Variants in UNC5D observed in about 807,000 individuals in gnomAD.
UNC5D encodes netrin receptor UNC5D.
In UNC5D, 39 loss-of-function variants were observed where a neutral mutation model predicts 105.4. That is an observed-to-expected ratio of 0.37 (90% CI 0.29 to 0.48). UNC5D has a LOEUF of 0.48. UNC5D is among the 20% of genes least tolerant of loss of function. The pLI is 0.98. For missense variants in UNC5D, 991 were observed against 1,202.4 expected (o/e 0.82, Z 2.60); for synonymous variants, 452 against 450.4 (o/e 1.00, Z -0.04).
At position 35,792,538 on chromosome 8, in the gene UNC5D, CAA is replaced by C. The variant is rs1049474570; in HGVS notation, c.*1976_*1977del. 1.3e-5 allele frequency: 2 copies of C among 154,780 alleles called. No individual in the cohort carries two copies. The highest frequency in any genetic ancestry group is 4.8e-5 in the African/African-American group (2 of 41,440). The allele number at this position is 154,780 out of a possible 1,614,324, so 9.6% of individuals were successfully genotyped here. ...TAACTTATTTATTTCTTCTAGGAAA[CAA>C]TAGATAAACAGCATGAAAATGTAAA... On this transcript the variant is annotated 3_prime_UTR_variant, in exon 17 of 17. Coordinates refer to ENST00000404895, the MANE Select transcript of UNC5D (RefSeq NM_080872.4).
chr8:35,375,819 T>G (rs1003186772), intron 1 of UNC5D, among the ~76,000 whole-genome samples: 1 of 152,210 alleles, frequency 6.6e-6, no homozygotes, highest in East Asian at 1.9e-4. Context: ...AATTATATTT[T>G]TAATCCCTTT....
At chr8:35,428,219 C>G (rs776883299) in intron 1 of UNC5D, among the ~76,000 whole-genome samples, 14 of 152,000 alleles carry the variant, frequency 9.2e-5, no homozygotes, top group Non-Finnish European at 1.5e-4. Context: ...ACTCTGTCAC[C>G]CAGGCTGGAC....
rs1803216246 is a variant in UNC5D, at chr8:35,795,349, G to A, written c.*4786G>A. ...CCTCCAGTTTTGCTAACCCTAAAAA[G>A]TATTTCACTAATTTCAAGCACTGTT... On this transcript the variant is annotated 3_prime_UTR_variant, in exon 17 of 17. Coordinates refer to ENST00000404895, the MANE Select transcript of UNC5D (RefSeq NM_080872.4). The A allele has an allele frequency of 6.6e-6, 1 of 152,088 alleles. No homozygotes were observed. The highest frequency in any genetic ancestry group is 2.4e-5 in the African/African-American group (1 of 41,416). The allele number at this position is 152,088 out of a possible 1,614,324, so 9.4% of individuals were successfully genotyped here. A position where few individuals can be genotyped will look rare whatever the true frequency, so the allele number is the denominator to read the frequency against.
At chr8:35,323,425 T>C (rs1809905845) in intron 1 of UNC5D, among the ~76,000 whole-genome samples, 1 of 152,134 alleles carries the variant, frequency 6.6e-6, no homozygotes, top group South Asian at 2.1e-4. Flanking sequence ...CGTACCATTT[T>C]TAATGAGTTG....
intron 1 of UNC5D, among the ~76,000 whole-genome samples, chr8:35,470,807 T>TAAATAAAATA (rs1554538815): frequency 2.2e-3 from 289 of 130,502 alleles, no homozygotes; most frequent in African/African-American, 8.1e-3. Context: ...AATAAATAAA[T>TAAATAAAATA]AAATAAAATA....
At chr8:35,236,315 G>A (rs1802456906) in intron 1 of UNC5D, among the ~76,000 whole-genome samples, 1 of 152,206 alleles carries the variant, frequency 6.6e-6, no homozygotes, top group African/African-American at 2.4e-5. Flanking sequence ...GGGAGTGTCT[G>A]TAGGGTGGGC....
Position 35,705,910 on chromosome 8 carries a change from CTTTCT to C in UNC5D, c.1085-16_1085-12del, listed in dbSNP as rs940320296. 3 of 1,271,250 alleles carry C rather than the reference CTTTCT, an allele frequency of 2.4e-6. No individual in the cohort carries two copies. The African/African-American group carries it at 4.5e-5, about 19-fold the overall frequency. The allele number at this position is 1,271,250 out of a possible 1,614,324, so 78.7% of individuals were successfully genotyped here. ...ATTTATTAAATGCAACTTTCTTTTT[CTTTCT>C]TTCTTTCTTTTAGATAAAAAACCTC... On this transcript the variant is annotated splice_polypyrimidine_tract_variant and intron_variant, in intron 7 of 16. Coordinates refer to ENST00000404895, the MANE Select transcript of UNC5D (RefSeq NM_080872.4).
rs570542141 is a variant in UNC5D, at chr8:35,348,236, A to C, written c.103+112349A>C. On this transcript the variant is annotated intron_variant, in intron 1 of 16. Coordinates refer to ENST00000404895, the MANE Select transcript of UNC5D (RefSeq NM_080872.4). ...TAGTGGTGTTGTTTTACCAAAAAAAATTATATATATATTAGTCTGTAATTT... is the reference window on the plus strand; with the variant it reads ...TAGTGGTGTTGTTTTACCAAAAAAACTTATATATATATTAGTCTGTAATTT... 9.2e-5 allele frequency among the ~76,000 whole-genome samples: 14 copies of C among 152,012 alleles called. No individual in the cohort carries two copies. The South Asian group carries it at 2.9e-3, about 32-fold the overall frequency.
chr8:35,730,997 C>T lies in UNC5D; in HGVS notation c.1682-15C>T. 1 of 1,613,032 alleles carries T rather than the reference C, an allele frequency of 6.2e-7. No homozygotes were observed. Among genetic ancestry groups the T allele is most frequent in the East Asian group, 2.2e-5 (1 of 44,834 alleles). On this transcript the variant is annotated splice_polypyrimidine_tract_variant and intron_variant, in intron 10 of 16. Transcript: ENST00000404895. ...GAAAAATCTATGAATAACCTGTTGGCTTTTTCTGTTTTAGGGGTGAGCTTA... is the reference window on the plus strand; with the variant it reads ...GAAAAATCTATGAATAACCTGTTGGTTTTTTCTGTTTTAGGGGTGAGCTTA...
chr8:35,777,239 G>A (rs1179174727), intron 16 of UNC5D, among the ~76,000 whole-genome samples: 1 of 152,146 alleles, frequency 6.6e-6, no homozygotes, highest in Non-Finnish European at 1.5e-5. Flanking sequence ...GGGCAACAGA[G>A]CGAGACTCTG....
chr8:35,259,155 A>G (rs1186160141), intron 1 of UNC5D, among the ~76,000 whole-genome samples: 4 of 152,188 alleles, frequency 2.6e-5, no homozygotes, highest in Admixed American at 1.3e-4. Flanking sequence ...CGATAATGTA[A>G]TTCCTAACAG....
In UNC5D at chr8:35,615,182, C is replaced by T. The variant is rs573093267; in HGVS notation, c.570+19525C>T. 7.6e-4 allele frequency among the ~76,000 whole-genome samples: 115 copies of T among 152,096 alleles called. 1 individual carries two copies. The highest frequency in any genetic ancestry group is 1.5e-3 in the South Asian group (7 of 4,814). On this transcript the variant is annotated intron_variant, in intron 4 of 16. Coordinates refer to ENST00000404895, the MANE Select transcript of UNC5D (RefSeq NM_080872.4). ...TGAGCCCAGGAGGTTGAGGCTGTAG[C>T]GAGGCATGACTAGTCCACTGCACTC...
intron 9 of UNC5D, among the ~76,000 whole-genome samples, chr8:35,724,946 A>T (rs927026151): frequency 3.3e-5 from 5 of 151,634 alleles, no homozygotes; most frequent in Non-Finnish European, 1.5e-5. Flanking sequence ...TGGAAAAAAA[A>T]TAATAATAAT....
chr8:35,458,736 C>A (rs1323697489), intron 1 of UNC5D, among the ~76,000 whole-genome samples: 1 of 152,124 alleles, frequency 6.6e-6, no homozygotes, highest in African/African-American at 2.4e-5. Flanking sequence ...GGCCATTGTG[C>A]CTTATGCAAG....
intron 1 of UNC5D, among the ~76,000 whole-genome samples, chr8:35,542,418 A>G (rs747738356): frequency 6.6e-6 from 1 of 152,236 alleles, no homozygotes; most frequent in Admixed American, 6.5e-5. Flanking sequence ...CCGTGGACCA[A>G]TACACTCACA....
chr8:35,631,019 T>G (rs527918212), intron 4 of UNC5D, among the ~76,000 whole-genome samples: 16 of 152,324 alleles, frequency 1.1e-4, no homozygotes, highest in Non-Finnish European at 4.4e-5. Context: ...GTCTTAAAAA[T>G]CATTTGGCCT....
At chr8:35,443,014 T>C (rs144232184) in intron 1 of UNC5D, among the ~76,000 whole-genome samples, 1 of 151,658 alleles carries the variant, frequency 6.6e-6, no homozygotes, top group East Asian at 1.9e-4. Context: ...GTGAGGACCA[T>C]TAGGATCAGG....
At chr8:35,604,212 T>G (rs1820106809) in intron 4 of UNC5D, among the ~76,000 whole-genome samples, 1 of 152,196 alleles carries the variant, frequency 6.6e-6, no homozygotes, top group Non-Finnish European at 1.5e-5. Flanking sequence ...TAGTGCTTCA[T>G]TCAGGAGCTC....
At chr8:35,363,737 T>C (rs1361193198) in intron 1 of UNC5D, among the ~76,000 whole-genome samples, 8 of 152,108 alleles carry the variant, frequency 5.3e-5, no homozygotes, top group South Asian at 2.1e-4. Flanking sequence ...GAAGTTACAA[T>C]TTTCCCTTTG....
Sources: allele counts gnomAD v4.1 joint callset (sites outside exome capture counted in the v4.1 genomes callset), GRCh38; gene constraint gnomAD v4.1.1; transcripts MANE v1.5; gene names NCBI Gene and HGNC (gene_info 2026-07-23, HGNC 2026-07-21).